Variants in TOMM70 observed in about 807,000 individuals in gnomAD.
TOMM70 encodes mitochondrial import receptor subunit TOM70.
In TOMM70, 13 loss-of-function variants were observed where a neutral mutation model predicts 73.6. The ratio of observed to expected loss-of-function variants is 0.18; its 90% CI spans 0.11 to 0.28. The LOEUF (loss-of-function observed/expected upper bound fraction) is 0.28, where lower values mean the gene tolerates loss of function less well. Among genes scored for constraint, TOMM70 ranks in the 10% least tolerant of loss-of-function variants. The pLI is 1.00. For missense variants in TOMM70, 609 were observed against 747.5 expected (o/e 0.81, Z 2.16); for synonymous variants, 257 against 271.2 (o/e 0.95, Z 0.51).
At chr3:100,377,496 T>G in intron 6 of TOMM70, 2 of 538,438 alleles carry the variant, frequency 3.7e-6, no homozygotes, top group Non-Finnish European at 6.5e-6. Flanking sequence ...GAAAAAAAAA[T>G]TTCCTTTCCT....
intron 9 of TOMM70, among the ~76,000 whole-genome samples, chr3:100,370,284 T>C (rs972478041): frequency 6.6e-6 from 1 of 152,222 alleles, no homozygotes; most frequent in African/African-American, 2.4e-5. Flanking sequence ...TCATTTTGTA[T>C]GCAATTCTCC....
At chr3:100,395,074 G>T (rs1394165600) in intron 1 of TOMM70, among the ~76,000 whole-genome samples, 2 of 152,114 alleles carry the variant, frequency 1.3e-5, no homozygotes, top group Non-Finnish European at 2.9e-5. Context: ...GCCCAAATGA[G>T]GTTTAAGATT....
chr3:100,384,543 C>T lies in TOMM70; in HGVS notation c.671G>A (p.Ser224Asn). 1 of 1,610,362 alleles carries T rather than the reference C, an allele frequency of 6.2e-7. No homozygotes were observed. Among genetic ancestry groups the T allele is most frequent in the Non-Finnish European group, 8.5e-7 (1 of 1,178,836 alleles). Residue 224 changes from serine to asparagine, a missense_variant, in exon 4 of 12, where the codon AGC becomes AAC. Around this residue, in one of 2 missense-constraint regions of TOMM70, gnomAD observed 432 missense variants for 584.1 expected, o/e 0.74. Coordinates refer to ENST00000284320, the MANE Select transcript of TOMM70 (RefSeq NM_014820.5). ...AAGAACTTTATCGGCTAACAGCATGCTTTGTTGATTTTGGAACCCTTCTAA... is the reference window on the plus strand; with the variant it reads ...AAGAACTTTATCGGCTAACAGCATGTTTTGTTGATTTTGGAACCCTTCTAA... The part of the protein sequence containing the change: ...CILEGFQNQQ[S>N]MLLADKVLKL...
intron 5 of TOMM70, among the ~76,000 whole-genome samples, chr3:100,378,242 C>CAA (rs755941817): frequency 7.7e-6 from 1 of 129,778 alleles, no homozygotes; most frequent in African/African-American, 2.9e-5. Flanking sequence ...GACTCCATCT[C>CAA]AAAAAAAAAA....
intron 6 of TOMM70, 73 bp from the exon 7 acceptor site, chr3:100,375,225 C>A (rs1296306095): frequency 2.7e-6 from 4 of 1,457,088 alleles, no homozygotes; most frequent in Non-Finnish European, 3.6e-6. Flanking sequence ...TAAATAACAG[C>A]TTTTTTCTAT....
chr3:100,368,905 C>T (rs889927874), intron 10 of TOMM70, 133 bp downstream of exon 10: 4 of 635,346 alleles, frequency 6.3e-6, no homozygotes, highest in Middle Eastern at 2.7e-4. Flanking sequence ...AATGAAAAGA[C>T]ATCTAGGAGC....
chr3:100,366,727 G>A (rs1013870569), intron 11 of TOMM70, among the ~76,000 whole-genome samples: 2 of 152,122 alleles, frequency 1.3e-5, no homozygotes, highest in Non-Finnish European at 2.9e-5. Context: ...TTCAATTAAC[G>A]TGAACAAAAT....
chr3:100,397,401 T>G (rs1317939523), intron 1 of TOMM70, among the ~76,000 whole-genome samples: 1 of 152,228 alleles, frequency 6.6e-6, no homozygotes, highest in Non-Finnish European at 1.5e-5. Context: ...CTTCCTATTG[T>G]TGCTTTACCA....
In TOMM70 at chr3:100,365,309, T is replaced by C. The variant is rs1018231243; in HGVS notation, c.*255A>G. On this transcript the variant is annotated 3_prime_UTR_variant, in exon 12 of 12. Transcript: ENST00000284320. The stretch of plus-strand genomic sequence containing the variant: ...CATGGCCAATTATCATTTGTACTCT[T>C]TGCAACTTTATTTAAAAATCCCTTT... The C allele has an allele frequency of 9.4e-6, 4 of 424,224 alleles. No homozygotes were observed. The highest frequency in any genetic ancestry group is 5.3e-5 in the South Asian group (1 of 18,892). 26.3% of individuals were successfully genotyped at this position (424,224 alleles called of 1,614,324 possible).
intron 1 of TOMM70, among the ~76,000 whole-genome samples, chr3:100,394,399 C>T (rs1375153005): frequency 4.2e-5 from 6 of 142,416 alleles, no homozygotes; most frequent in Admixed American, 2.9e-4. Flanking sequence ...TTTGCTCTGT[C>T]GCCCAGGGGG....
At chr3:100,393,963 C>G (rs997573612) in intron 1 of TOMM70, among the ~76,000 whole-genome samples, 1 of 152,170 alleles carries the variant, frequency 6.6e-6, no homozygotes, top group Non-Finnish European at 1.5e-5. Flanking sequence ...AAAAACAAGT[C>G]CTGCAACACG....
chr3:100,368,984 T>C, intron 10 of TOMM70, 54 bp downstream of exon 10: 11 of 1,347,102 alleles, frequency 8.2e-6, no homozygotes, highest in Non-Finnish European at 1.2e-5. Context: ...AAATACATTT[T>C]ATTACTATGC....
At chr3:100,397,155 T>C (rs1706834561) in intron 1 of TOMM70, among the ~76,000 whole-genome samples, 1 of 152,344 alleles carries the variant, frequency 6.6e-6, no homozygotes, top group Non-Finnish European at 1.5e-5. Context: ...TGAAAGCAAA[T>C]GCTTCTGGTT....
At chr3:100,390,702 G>T (rs890293831) in intron 1 of TOMM70, among the ~76,000 whole-genome samples, 2 of 151,982 alleles carry the variant, frequency 1.3e-5, no homozygotes, top group Non-Finnish European at 2.9e-5. Flanking sequence ...GGTGGCGAGC[G>T]CCTGTAATCC....
intron 4 of TOMM70, among the ~76,000 whole-genome samples, chr3:100,383,004 CAG>C (rs1706650330): frequency 6.6e-6 from 1 of 151,984 alleles, no homozygotes; most frequent in Non-Finnish European, 1.5e-5. Context: ...AAGTGACAAA[CAG>C]ATTAGAAAAT....
intron 5 of TOMM70, among the ~76,000 whole-genome samples, chr3:100,379,020 A>AATAT (rs1559832150): frequency 6.6e-6 from 1 of 151,904 alleles, no homozygotes. Flanking sequence ...TAAATAAATA[A>AATAT]ATAAATAAAT....
intron 8 of TOMM70, 39 bp from the exon 9 acceptor site, chr3:100,372,761 C>T: frequency 6.7e-7 from 1 of 1,503,146 alleles, no homozygotes; most frequent in Non-Finnish European, 9.2e-7. Flanking sequence ...ATCAAGAACT[C>T]AAAAACTCAT....
chr3:100,392,358 T>G (rs1706773310), intron 1 of TOMM70, among the ~76,000 whole-genome samples: 1 of 152,190 alleles, frequency 6.6e-6, no homozygotes, highest in African/African-American at 2.4e-5. Context: ...AAGTAAATAC[T>G]TCAGGTAATA....
intron 5 of TOMM70, among the ~76,000 whole-genome samples, chr3:100,380,436 T>C (rs886489172): frequency 1.3e-5 from 2 of 152,174 alleles, no homozygotes; most frequent in Non-Finnish European, 2.9e-5. Flanking sequence ...TAGTTATTTA[T>C]AAGCATGATT....
Sources: gnomAD v4.1 joint callset for allele counts (sites outside exome capture counted in the v4.1 genomes callset) on GRCh38, gnomAD v4.1.1 for gene constraint, gnomAD v4.1.1 regional missense constraint, MANE v1.5 for transcripts, NCBI Gene and HGNC (gene_info 2026-07-23, HGNC 2026-07-21) for gene names.